PDGFC: variants seen among roughly 807,000 people sequenced by gnomAD.
PDGFC encodes platelet derived growth factor C, also known as platelet-derived growth factor C.
Under a neutral mutation model 35.5 loss-of-function variants are expected in PDGFC, and 12 were observed. The observed-to-expected ratio is 0.34, with a 90% confidence interval of 0.22 to 0.55. The LOEUF (loss-of-function observed/expected upper bound fraction) is 0.55, where lower values mean the gene tolerates loss of function less well. Among genes scored for constraint, PDGFC ranks in the 20% least tolerant of loss-of-function variants. The pLI is 0.91. For missense variants in PDGFC, 322 were observed against 412.4 expected (o/e 0.78, Z 1.90); for synonymous variants, 159 against 148.8 (o/e 1.07, Z -0.50).
chr4:156,843,352 T>C (rs952347060), intron 2 of PDGFC, among the ~76,000 whole-genome samples: 2 of 152,212 alleles, frequency 1.3e-5, no homozygotes, highest in African/African-American at 4.8e-5. Context: ...TTCTGTGCTT[T>C]ATAAGCCACC....
chr4:156,768,213 G>T (rs924439789), intron 4 of PDGFC, among the ~76,000 whole-genome samples: 1 of 151,550 alleles, frequency 6.6e-6, no homozygotes, highest in African/African-American at 2.4e-5. Context: ...GACCAGTAAA[G>T]AGATGCCATT....
At chr4:156,930,098 T>C (rs1209447636) in intron 1 of PDGFC, among the ~76,000 whole-genome samples, 1 of 152,238 alleles carries the variant, frequency 6.6e-6, no homozygotes, top group Non-Finnish European at 1.5e-5. Flanking sequence ...TACTTTAATT[T>C]TCATCTCCCT....
chr4:156,965,032 A>G (rs1402204236), intron 1 of PDGFC, among the ~76,000 whole-genome samples: 1 of 152,204 alleles, frequency 6.6e-6, no homozygotes. Context: ...AAGAGTAACC[A>G]GTTCTAGGAA....
intron 3 of PDGFC, among the ~76,000 whole-genome samples, chr4:156,809,217 T>C (rs561960515): frequency 3.6e-4 from 55 of 152,126 alleles, no homozygotes; most frequent in South Asian, 1.9e-3. Flanking sequence ...TTACCAATCA[T>C]TGTTAAATGA....
chr4:156,812,717 T>C (rs550446195), intron 2 of PDGFC, among the ~76,000 whole-genome samples: 2 of 152,216 alleles, frequency 1.3e-5, no homozygotes, highest in East Asian at 3.9e-4. Flanking sequence ...CAGCTTCATT[T>C]TCCTCACTGG....
intron 3 of PDGFC, chr4:156,774,249 T>C (rs182360057): frequency 2.0e-5 from 3 of 152,334 alleles, no homozygotes; most frequent in African/African-American, 7.2e-5. Flanking sequence ...CCAATCAGTC[T>C]AGTCTCTTCA....
intron 1 of PDGFC, among the ~76,000 whole-genome samples, chr4:156,881,163 C>T (rs532856165): frequency 1.1e-3 from 173 of 152,270 alleles, no homozygotes; most frequent in African/African-American, 3.9e-3. Context: ...CAAATTTCTG[C>T]AACCACCACT....
rs34201954 is a variant in PDGFC, at chr4:156,862,725, CTT to C, written c.119-12311_119-12310del. ...AATACAAACATCTTTATCTCTCTCT[CTT>C]TTTTTTTTTTTGGTCACCCAGGCTG... On this transcript the variant is annotated intron_variant, in intron 1 of 5. Coordinates refer to ENST00000502773, the MANE Select transcript of PDGFC (RefSeq NM_016205.3). Among the ~76,000 whole-genome samples the C allele has an allele frequency of 1.6e-4, 24 of 147,200 alleles. 1 individual carries two copies. Among genetic ancestry groups the C allele is most frequent in the South Asian group, 4.3e-4 (2 of 4,684 alleles).
chr4:156,887,561 T>C (rs1208320424), intron 1 of PDGFC, among the ~76,000 whole-genome samples: 2 of 152,136 alleles, frequency 1.3e-5, no homozygotes, highest in Non-Finnish European at 2.9e-5. Context: ...AAAGAAAATG[T>C]AGGAGTCCAG....
At chr4:156,826,359 C>A (rs529709073) in intron 2 of PDGFC, among the ~76,000 whole-genome samples, 2 of 151,436 alleles carry the variant, frequency 1.3e-5, no homozygotes, top group African/African-American at 4.9e-5. Context: ...CCTGCCACCT[C>A]GCCCAACTAA....
intron 1 of PDGFC, among the ~76,000 whole-genome samples, chr4:156,879,531 G>C (rs903688073): frequency 1.3e-5 from 2 of 151,950 alleles, no homozygotes; most frequent in Non-Finnish European, 2.9e-5. Flanking sequence ...CAAGCAACTG[G>C]GTTTTACTAA....
intron 1 of PDGFC, chr4:156,967,837 T>C (rs1055392635): frequency 2.0e-5 from 3 of 152,256 alleles, no homozygotes; most frequent in African/African-American, 4.8e-5. Flanking sequence ...GTCAATGTTA[T>C]CTTTTAATCT....
intron 1 of PDGFC, among the ~76,000 whole-genome samples, chr4:156,959,450 A>T (rs1732287527): frequency 6.6e-6 from 1 of 151,896 alleles, no homozygotes; most frequent in Admixed American, 6.6e-5. Flanking sequence ...TATTACATCC[A>T]TTCCCTTTAT....
chr4:156,898,871 G>A (rs565228797), intron 1 of PDGFC, among the ~76,000 whole-genome samples: 2 of 152,242 alleles, frequency 1.3e-5, no homozygotes, highest in African/African-American at 4.8e-5. Context: ...TTTCTAGGCT[G>A]GTCTTGATCA....
intron 1 of PDGFC, among the ~76,000 whole-genome samples, chr4:156,936,697 G>T (rs1462049924): frequency 6.6e-6 from 1 of 152,190 alleles, no homozygotes; most frequent in African/African-American, 2.4e-5. Context: ...AATTTTAAAA[G>T]ACTGACATGT....
At chr4:156,931,761 C>T (rs1731554409) in intron 1 of PDGFC, among the ~76,000 whole-genome samples, 1 of 151,852 alleles carries the variant, frequency 6.6e-6, no homozygotes, top group African/African-American at 2.4e-5. Context: ...ATGGTTTATA[C>T]TTACAGTGGA....
chr4:156,855,414 A>C (rs1729550503), intron 1 of PDGFC, among the ~76,000 whole-genome samples: 1 of 152,212 alleles, frequency 6.6e-6, no homozygotes, highest in Non-Finnish European at 1.5e-5. Context: ...ATGGTAGATT[A>C]AAATTAGGTA....
At chr4:156,767,610 G>A (rs1261178751) in intron 5 of PDGFC, among the ~76,000 whole-genome samples, 163 bp downstream of exon 5, 1 of 151,808 alleles carries the variant, frequency 6.6e-6, no homozygotes, top group East Asian at 1.9e-4. Flanking sequence ...TTTAATTAAA[G>A]GTGCTAATTT....
intron 2 of PDGFC, among the ~76,000 whole-genome samples, chr4:156,824,804 A>G (rs1001589150): frequency 6.6e-6 from 1 of 152,126 alleles, no homozygotes; most frequent in Non-Finnish European, 1.5e-5. Flanking sequence ...TCTCTCTTCT[A>G]GGGACCACCT....
Sources: gnomAD v4.1 joint callset for allele counts (sites outside exome capture counted in the v4.1 genomes callset) on GRCh38, gnomAD v4.1.1 for gene constraint, MANE v1.5 for transcripts, NCBI Gene and HGNC (gene_info 2026-07-23, HGNC 2026-07-21) for gene names.